The following CERS3 variants were observed in gnomAD, a reference collection of about 807,000 sequenced individuals.
CERS3 encodes LAG1 homolog, ceramide synthase 3.
Under a neutral mutation model 50.3 loss-of-function variants are expected in CERS3, and 33 were observed. The ratio of observed to expected loss-of-function variants is 0.66; its 90% confidence interval spans 0.50 to 0.88. The LOEUF (loss-of-function observed/expected upper bound fraction) is 0.88, where lower values mean the gene tolerates loss of function less well. Ranked by LOEUF, CERS3 falls within the 40% of genes least tolerant of loss-of-function variation. The pLI is 0.00. For missense variants in CERS3, 470 were observed against 460.3 expected (o/e 1.02, Z -0.19); for synonymous variants, 176 against 155.2 (o/e 1.13, Z -0.99).
intron 10 of CERS3, among the ~76,000 whole-genome samples, chr15:100,467,842 T>TAG (rs1374645090): frequency 0.026 from 1,053 of 40,102 alleles, 41 homozygotes; most frequent in African/African-American, 0.064. Context: ...TACGTGTATA[T>TAG]ATATATATAT....
At chr15:100,519,023 G>C (rs756806875) in intron 2 of CERS3, among the ~76,000 whole-genome samples, 1 of 152,172 alleles carries the variant, frequency 6.6e-6, no homozygotes, top group African/African-American at 2.4e-5. Flanking sequence ...GCTGGGCGTG[G>C]TGGTGCGCAT....
chr15:100,492,846 T>A (rs1378068698), intron 3 of CERS3, among the ~76,000 whole-genome samples: 1 of 152,168 alleles, frequency 6.6e-6, no homozygotes, highest in Non-Finnish European at 1.5e-5. Context: ...GTCTTTTTGG[T>A]TTTTTACTAT....
At chr15:100,539,470 G>C (rs1241547714) in intron 1 of CERS3, among the ~76,000 whole-genome samples, 2 of 152,194 alleles carry the variant, frequency 1.3e-5, no homozygotes, top group Admixed American at 1.3e-4. Flanking sequence ...AAGGCCTCAG[G>C]AAAGTTACAA....
intron 2 of CERS3, among the ~76,000 whole-genome samples, chr15:100,518,108 C>G (rs558148053): frequency 2.0e-5 from 3 of 152,286 alleles, no homozygotes; most frequent in African/African-American, 7.2e-5. Context: ...ATCGTAAGAC[C>G]TCATACTGGA....
At chr15:100,406,790 T>C (rs2142047128) in intron 11 of CERS3, among the ~76,000 whole-genome samples, 1 of 152,292 alleles carries the variant, frequency 6.6e-6, no homozygotes, top group East Asian at 1.9e-4. Flanking sequence ...TATTAATCTC[T>C]TTCCACGCTG....
intron 1 of CERS3, among the ~76,000 whole-genome samples, chr15:100,542,021 T>C (rs907972520): frequency 3.9e-5 from 6 of 152,330 alleles, no homozygotes; most frequent in Admixed American, 3.3e-4. Flanking sequence ...ATATGGTCCA[T>C]ACTTTCAGCT....
chr15:100,406,559 A>G (rs1400894192), intron 11 of CERS3, among the ~76,000 whole-genome samples: 2 of 152,192 alleles, frequency 1.3e-5, no homozygotes, highest in African/African-American at 4.8e-5. Flanking sequence ...AAAGGGTGTC[A>G]AAATGAACAA....
chr15:100,478,951 T>G (rs532227472), intron 7 of CERS3, among the ~76,000 whole-genome samples: 1 of 152,256 alleles, frequency 6.6e-6, no homozygotes, highest in Non-Finnish European at 1.5e-5. Flanking sequence ...GGGTGTATGG[T>G]GTATTCTAAT....
chr15:100,464,762 G>C (rs968315000), intron 10 of CERS3, among the ~76,000 whole-genome samples: 1 of 152,140 alleles, frequency 6.6e-6, no homozygotes, highest in Non-Finnish European at 1.5e-5. Flanking sequence ...CGATTTAAAT[G>C]GTTTTGAACA....
intron 11 of CERS3, among the ~76,000 whole-genome samples, chr15:100,436,312 G>A (rs2142136239): frequency 6.6e-6 from 1 of 152,330 alleles, no homozygotes; most frequent in Admixed American, 6.5e-5. Context: ...ATGAGTTCAT[G>A]TCCTTTGCAG....
At position 100,479,482 on chromosome 15, in the gene CERS3, A is replaced by AAAG; in HGVS notation, c.466-7_466-5dup. ...ATAAGTCATATAGCCAAGGTTTCTG[A>AAAG]AAGAAGAAAAAAAAAAAGAGCCAAC... On this transcript the variant is annotated splice_region_variant and splice_polypyrimidine_tract_variant and intron_variant, in intron 6 of 11. Transcript: ENST00000679737. 2 of 1,591,386 alleles carry AAAG rather than the reference A, an allele frequency of 1.3e-6. No homozygotes were observed. Among genetic ancestry groups the AAAG allele is most frequent in the Non-Finnish European group, 1.7e-6 (2 of 1,173,254 alleles).
Position 100,410,260 on chromosome 15 carries a change from C to T in CERS3, c.1000-7395G>A, listed in dbSNP as rs549876176. On this transcript the variant is annotated intron_variant, in intron 11 of 11. Transcript: ENST00000679737. The stretch of plus-strand genomic sequence containing the variant: ...ACAAGTTCCTAGCTTAATAGTGACC[C>T]GTTACTTGTCCTAACAGGGGCTATG... 1.3e-4 allele frequency among the ~76,000 whole-genome samples: 20 copies of T among 152,246 alleles called. 1 individual carries two copies. In the South Asian group the frequency reaches 3.3e-3, roughly 25 times the overall value.
At chr15:100,453,979 T>C (rs1265934979) in intron 11 of CERS3, among the ~76,000 whole-genome samples, 1 of 152,162 alleles carries the variant, frequency 6.6e-6, no homozygotes, top group African/African-American at 2.4e-5. Context: ...TTTTTAAAAA[T>C]TGAAGAGGAC....
chr15:100,426,742 A>G (rs1026008808), intron 11 of CERS3, among the ~76,000 whole-genome samples: 1 of 152,162 alleles, frequency 6.6e-6, no homozygotes, highest in African/African-American at 2.4e-5. Context: ...TCAAAAACTC[A>G]ATAGCTAGAA....
At chr15:100,491,061 G>T in intron 3 of CERS3, 130 bp from the exon 4 acceptor site, 1 of 588,200 alleles carries the variant, frequency 1.7e-6, no homozygotes, top group South Asian at 2.1e-5. Flanking sequence ...CTGGGGCTAC[G>T]TACAGCCAAA....
intron 1 of CERS3, among the ~76,000 whole-genome samples, chr15:100,541,220 T>G (rs139409092): frequency 6.6e-6 from 1 of 152,286 alleles, no homozygotes; most frequent in Non-Finnish European, 1.5e-5. Flanking sequence ...CTTACTAAGT[T>G]GGTTAAGCAG....
chr15:100,491,200 A>G (rs2035640908), intron 3 of CERS3, among the ~76,000 whole-genome samples: 1 of 152,218 alleles, frequency 6.6e-6, no homozygotes, highest in Non-Finnish European at 1.5e-5. Context: ...TTTAGGAATT[A>G]GAATAAGCTG....
intron 10 of CERS3, among the ~76,000 whole-genome samples, chr15:100,464,225 T>C (rs1449660805): frequency 6.6e-6 from 1 of 152,206 alleles, no homozygotes; most frequent in African/African-American, 2.4e-5. Context: ...TTATTTGCAG[T>C]TGAAAATGTT....
At chr15:100,482,303 C>A (rs980675565) in intron 5 of CERS3, among the ~76,000 whole-genome samples, 2 of 152,036 alleles carry the variant, frequency 1.3e-5, no homozygotes, top group Admixed American at 1.3e-4. Context: ...GGTTGGGTAA[C>A]AATGGTGATA....
Sources: allele counts gnomAD v4.1 joint callset (sites outside exome capture counted in the v4.1 genomes callset), GRCh38; gene constraint gnomAD v4.1.1; transcripts MANE v1.5; gene names NCBI Gene and HGNC (gene_info 2026-07-23, HGNC 2026-07-21).